Variants in ZNF883 observed in about 807,000 individuals in gnomAD.
The protein encoded by ZNF883 is zinc finger protein 883.
intron 2 of ZNF883, among the ~76,000 whole-genome samples, chr9:113,003,495 A>G (rs1257610166): frequency 6.6e-6 from 1 of 152,040 alleles, no homozygotes; most frequent in African/African-American, 2.4e-5. Flanking sequence ...CTTTTCATAT[A>G]TCAGATATTC....
At chr9:112,997,051 G>C (rs146430093), downstream of ZNF883, 13 of 1,422,864 alleles carry the variant, frequency 9.1e-6, no homozygotes, top group East Asian at 3.2e-4. Flanking sequence ...CAATCCTAGG[G>C]TTGCTTGAAC....
chr9:112,995,689 T>G (rs1828346083), downstream of ZNF883, among the ~76,000 whole-genome samples: 2 of 142,168 alleles, frequency 1.4e-5, no homozygotes, highest in Non-Finnish European at 3.0e-5. Context: ...ATTAAATGAT[T>G]TTTACAGCAT....
chr9:113,003,781 G>A (rs1010865679), intron 2 of ZNF883, among the ~76,000 whole-genome samples: 1 of 152,114 alleles, frequency 6.6e-6, no homozygotes, highest in East Asian at 1.9e-4. Context: ...TAACAAAAGG[G>A]CAGAGTAACT....
At chr9:113,011,350 C>A (rs1226562717) in intron 1 of ZNF883, 123 bp from the exon 2 acceptor site, 1 of 152,174 alleles carries the variant, frequency 6.6e-6, no homozygotes, top group Admixed American at 6.5e-5. Context: ...AGATTCTTTC[C>A]CTGCAGAGTA....
upstream of ZNF883, chr9:112,998,976 TC>T (rs1828394526): frequency 6.6e-6 from 1 of 152,212 alleles, no homozygotes. Flanking sequence ...GTCATCAAAT[TC>T]GAGTTCTTCT....
intron 2 of ZNF883, among the ~76,000 whole-genome samples, chr9:113,007,623 G>A (rs1828491153): frequency 6.6e-6 from 1 of 152,204 alleles, no homozygotes; most frequent in Non-Finnish European, 1.5e-5. Context: ...TGACTCTGAT[G>A]TTGTTAGAAC....
chr9:112,997,377 A>G (rs1828372121), exon 1 of ZNF883: 1 of 1,614,008 alleles, frequency 6.2e-7, no homozygotes, highest in East Asian at 2.2e-5. Context: ...CATTCATTAC[A>G]TTGATAGGGT....
Position 113,009,514 on chromosome 9 carries a change from C to CTTT in ZNF883, n.165+1624_165+1626dup, listed in dbSNP as rs72131069. Among the ~76,000 whole-genome samples, 119 of 145,110 alleles carry CTTT rather than the reference C, an allele frequency of 8.2e-4. 3 individuals carry two copies. The East Asian group carries it at 0.013, about 16-fold the overall frequency. ...CCAAGTATCTACAAGGCTCATATTC[C>CTTT]TTTTTTTTTTTTTGAGACAGAGTCT... On this transcript the variant is annotated intron_variant and non_coding_transcript_variant, in intron 2 of 4. Transcript: ENST00000638622.
At chr9:112,998,340 C>A, upstream of ZNF883, 2 of 1,154,460 alleles carry the variant, frequency 1.7e-6, no homozygotes, top group Non-Finnish European at 2.3e-6. Context: ...TCATTTATTT[C>A]CAGAATAAGT....
intron 1 of ZNF883, among the ~76,000 whole-genome samples, chr9:112,990,526 T>C (rs571903420): frequency 1.3e-5 from 2 of 152,326 alleles, no homozygotes; most frequent in African/African-American, 4.8e-5. Context: ...CAGTATTTTA[T>C]TGAAAATTTT....
At chr9:112,988,148 A>C (rs941678443) in intron 1 of ZNF883, among the ~76,000 whole-genome samples, 12 of 152,096 alleles carry the variant, frequency 7.9e-5, no homozygotes, top group African/African-American at 2.9e-4. Context: ...TCTTTTAAAA[A>C]AATTTAATTT....
chr9:112,991,675 C>T (rs10817422), intron 1 of ZNF883, among the ~76,000 whole-genome samples: 71,192 of 151,746 alleles, frequency 0.47, 17,896 homozygotes, highest in African/African-American at 0.66. Flanking sequence ...ATATTGAAAG[C>T]GGCATGTTAA....
At chr9:113,007,409 C>T (rs1828489064) in intron 2 of ZNF883, among the ~76,000 whole-genome samples, 1 of 152,156 alleles carries the variant, frequency 6.6e-6, no homozygotes, top group Non-Finnish European at 1.5e-5. Flanking sequence ...ATGACTAACT[C>T]CCCAAAATAT....
At chr9:113,009,470 C>T (rs1031549926) in intron 2 of ZNF883, among the ~76,000 whole-genome samples, 2 of 152,050 alleles carry the variant, frequency 1.3e-5, no homozygotes, top group African/African-American at 4.8e-5. Flanking sequence ...ACTTAATCTC[C>T]CTAATCCCCC....
At chr9:113,007,030 C>G (rs1234164465) in intron 2 of ZNF883, among the ~76,000 whole-genome samples, 2 of 152,138 alleles carry the variant, frequency 1.3e-5, no homozygotes, top group Non-Finnish European at 2.9e-5. Context: ...CCCGTCTCTA[C>G]TAAAAATACA....
rs773379594 is a variant in ZNF883, at chr9:112,997,376, C to G, written n.884G>C. ...GCAAAACAGTTTCTGACATTCATTA[C>G]ATTGATAGGGTTTCACACAAGAATG... On this transcript the variant is annotated non_coding_transcript_exon_variant, in exon 1 of 1. Coordinates refer to ENST00000639662, the Ensembl canonical transcript of ZNF883. 5.0e-6 allele frequency: 8 copies of G among 1,613,968 alleles called. No homozygotes were observed. In the Admixed American group the frequency reaches 1.3e-4, roughly 27 times the overall value.
At chr9:112,996,563 G>A (rs10981587), downstream of ZNF883, among the ~76,000 whole-genome samples, 43 of 151,106 alleles carry the variant, frequency 2.8e-4, no homozygotes, top group African/African-American at 7.0e-4. Context: ...AGGCCGAGGC[G>A]GGCAGATCAT....
upstream of ZNF883, chr9:112,998,628 T>C (rs1470898703): frequency 6.1e-6 from 1 of 163,956 alleles, no homozygotes; most frequent in East Asian, 1.8e-4. Context: ...TGAAATCTTG[T>C]GTGATCTGCT....
intron 2 of ZNF883, among the ~76,000 whole-genome samples, chr9:113,005,088 CT>C (rs1828461742): frequency 1.3e-5 from 2 of 151,848 alleles, no homozygotes; most frequent in South Asian, 4.1e-4. Context: ...AAAACTAGAA[CT>C]ATAAAAGAGC....
Sources: gnomAD v4.1 joint callset for allele counts (sites outside exome capture counted in the v4.1 genomes callset) on GRCh38, gnomAD v4.1.1 for gene constraint, MANE v1.5 for transcripts, NCBI Gene and HGNC (gene_info 2026-07-23, HGNC 2026-07-21) for gene names.